The following KIAA1328 variants were observed in gnomAD, a reference collection of about 807,000 sequenced individuals.
KIAA1328 encodes the protein KIAA1328.
A neutral mutation model predicts 68.1 loss-of-function variants in KIAA1328; 52 were observed. The observed-to-expected ratio is 0.76, with a 90% CI of 0.61 to 0.96. The LOEUF (loss-of-function observed/expected upper bound fraction) is 0.96, where lower values mean the gene tolerates loss of function less well. Ranked by LOEUF, KIAA1328 falls within the 40% of genes least tolerant of loss-of-function variation. The probability of loss-of-function intolerance (pLI) is 0.00; values close to 1 mark genes in which losing one functional copy is unlikely to be tolerated. For missense variants in KIAA1328, 641 were observed against 677.6 expected (o/e 0.95, Z 0.60); for synonymous variants, 232 against 239.4 (o/e 0.97, Z 0.28).
At chr18:36,979,442 A>G (rs1022215016) in intron 6 of KIAA1328, among the ~76,000 whole-genome samples, 1 of 152,160 alleles carries the variant, frequency 6.6e-6, no homozygotes, top group Non-Finnish European at 1.5e-5. Flanking sequence ...GTAGGATCAC[A>G]GCTAAAAGCA....
chr18:37,160,490 T>A, intron 8 of KIAA1328, 109 bp downstream of exon 8: 1 of 969,216 alleles, frequency 1.0e-6, no homozygotes, highest in Non-Finnish European at 1.5e-6. Flanking sequence ...GTTAAATGTT[T>A]ACACACTGAA....
At chr18:36,929,239 C>T (rs1013036252) in intron 5 of KIAA1328, among the ~76,000 whole-genome samples, 3 of 152,092 alleles carry the variant, frequency 2.0e-5, no homozygotes, top group Non-Finnish European at 2.9e-5. Context: ...CCCTGTACCC[C>T]GGCTTTTGTT....
intron 7 of KIAA1328, among the ~76,000 whole-genome samples, chr18:37,088,883 A>G (rs1320648953): frequency 6.6e-6 from 1 of 152,174 alleles, no homozygotes; most frequent in Non-Finnish European, 1.5e-5. Context: ...TTAAGAAAGT[A>G]TCAGTCATTT....
At chr18:36,904,339 G>A (rs767557158) in intron 5 of KIAA1328, among the ~76,000 whole-genome samples, 5 of 152,022 alleles carry the variant, frequency 3.3e-5, no homozygotes, top group Non-Finnish European at 5.9e-5. Flanking sequence ...ATATCTCTGA[G>A]TGTAATATAT....
intron 6 of KIAA1328, among the ~76,000 whole-genome samples, chr18:36,990,405 T>C (rs2053126136): frequency 6.6e-6 from 1 of 151,930 alleles, no homozygotes; most frequent in South Asian, 2.1e-4. Flanking sequence ...CCAGGCATGG[T>C]GGCTCATGCC....
At chr18:36,868,448 T>A (rs1415546936) in intron 4 of KIAA1328, among the ~76,000 whole-genome samples, 2 of 152,186 alleles carry the variant, frequency 1.3e-5, no homozygotes, top group African/African-American at 4.8e-5. Flanking sequence ...TTTGAAGACT[T>A]GAAAAATGAA....
At chr18:36,918,032 A>G (rs555724463) in intron 5 of KIAA1328, among the ~76,000 whole-genome samples, 3 of 151,492 alleles carry the variant, frequency 2.0e-5, no homozygotes, top group South Asian at 2.1e-4. Flanking sequence ...GTTGTTTTCT[A>G]TGGGAGGATT....
intron 5 of KIAA1328, among the ~76,000 whole-genome samples, chr18:36,944,510 C>T (rs923414934): frequency 9.9e-5 from 15 of 151,808 alleles, no homozygotes; most frequent in Admixed American, 6.6e-4. Flanking sequence ...ACCCGGGAGG[C>T]GGAGCTTGCA....
At chr18:36,829,223 C>A (rs748312459) in intron 1 of KIAA1328, 27 bp downstream of exon 1, 10 of 1,497,090 alleles carry the variant, frequency 6.7e-6, no homozygotes, top group Non-Finnish European at 8.0e-6. Context: ...TGACAGGGGG[C>A]GCCGGCGCCC....
downstream of KIAA1328, chr18:37,229,577 C>T (rs953028620): frequency 1.9e-5 from 24 of 1,276,668 alleles, no homozygotes; most frequent in Non-Finnish European, 2.4e-5. Flanking sequence ...AGTCAATCTT[C>T]AAGAAGTATC....
intron 7 of KIAA1328, among the ~76,000 whole-genome samples, chr18:37,102,805 A>T (rs1556884608): frequency 6.6e-6 from 1 of 152,228 alleles, no homozygotes; most frequent in Non-Finnish European, 1.5e-5. Context: ...CTTGGTAGAC[A>T]GCATGACTTT....
At chr18:37,035,190 A>G (rs2054978288) in intron 6 of KIAA1328, among the ~76,000 whole-genome samples, 1 of 152,198 alleles carries the variant, frequency 6.6e-6, no homozygotes, top group Non-Finnish European at 1.5e-5. Flanking sequence ...TCTGAAGTGA[A>G]TGCTTACCTC....
At chr18:36,880,258 A>G (rs1436719684) in intron 4 of KIAA1328, among the ~76,000 whole-genome samples, 4 of 152,274 alleles carry the variant, frequency 2.6e-5, no homozygotes, top group South Asian at 2.1e-4. Context: ...ACAGTCCCTC[A>G]GGGCTTCCCT....
chr18:36,901,665 C>CTA (rs2049043827), intron 5 of KIAA1328, among the ~76,000 whole-genome samples: 1 of 151,976 alleles, frequency 6.6e-6, no homozygotes, highest in African/African-American at 2.4e-5. Context: ...ACCTGCAGTG[C>CTA]TATAGCTGAG....
At chr18:37,114,410 C>G (rs1371545165) in intron 7 of KIAA1328, among the ~76,000 whole-genome samples, 1 of 152,208 alleles carries the variant, frequency 6.6e-6, no homozygotes, top group African/African-American at 2.4e-5. Context: ...TGAGTGACTA[C>G]TGGGTACATA....
Position 36,975,331 on chromosome 18 carries a change from C to T in KIAA1328, c.576+15896C>T, listed in dbSNP as rs796511158. ...CCAAGTAGCTGGGACTACAGGCGCC[C>T]GCCACTACGCCTGGCTAATTTTTTG... On this transcript the variant is annotated intron_variant, in intron 6 of 9. Coordinates refer to ENST00000280020, the MANE Select transcript of KIAA1328 (RefSeq NM_020776.3). 1.0e-3 allele frequency among the ~76,000 whole-genome samples: 153 copies of T among 151,922 alleles called. 2 individuals carry two copies. The highest frequency in any genetic ancestry group is 3.6e-3 in the African/African-American group (150 of 41,462).
chr18:36,926,698 T>A (rs2151130871), intron 5 of KIAA1328, among the ~76,000 whole-genome samples: 1 of 152,306 alleles, frequency 6.6e-6, no homozygotes, highest in East Asian at 1.9e-4. Context: ...TATACAACAT[T>A]TATATCTTCT....
At chr18:37,078,919 T>G (rs1312987518) in intron 7 of KIAA1328, among the ~76,000 whole-genome samples, 1 of 151,880 alleles carries the variant, frequency 6.6e-6, no homozygotes, top group Admixed American at 6.6e-5. Context: ...GAGGTCAGTG[T>G]GGCGATTCCT....
intron 7 of KIAA1328, among the ~76,000 whole-genome samples, chr18:37,118,396 A>T (rs1002140133): frequency 2.0e-5 from 3 of 152,056 alleles, no homozygotes; most frequent in African/African-American, 7.2e-5. Context: ...CCAAACCTTT[A>T]TTCCTGAAGG....
Sources: gnomAD v4.1 joint callset for allele counts (sites outside exome capture counted in the v4.1 genomes callset) on GRCh38, gnomAD v4.1.1 for gene constraint, MANE v1.5 for transcripts, NCBI Gene and HGNC (gene_info 2026-07-23, HGNC 2026-07-21) for gene names.